PCDH9: variants seen among roughly 807,000 people sequenced by gnomAD.
The protein encoded by PCDH9 is protocadherin-9.
In PCDH9, 24 loss-of-function variants were observed where a neutral mutation model predicts 70.6. The ratio of observed to expected loss-of-function variants is 0.34; its 90% CI spans 0.25 to 0.48. PCDH9 has a LOEUF of 0.48. PCDH9 is among the 20% of genes least tolerant of loss of function. The pLI is 0.99. For missense variants in PCDH9, 1,281 were observed against 1,503.6 expected (o/e 0.85, Z 2.45); for synonymous variants, 562 against 558.5 (o/e 1.01, Z -0.09).
intron 4 of PCDH9, among the ~76,000 whole-genome samples, chr13:66,310,444 A>G (rs976082618): frequency 3.3e-5 from 5 of 152,036 alleles, no homozygotes; most frequent in Admixed American, 3.3e-4. Flanking sequence ...AGAATACTTG[A>G]GTGGTTCTTG....
chr13:66,454,169 A>C (rs1048173066), intron 4 of PCDH9, among the ~76,000 whole-genome samples: 7 of 152,082 alleles, frequency 4.6e-5, no homozygotes, highest in Non-Finnish European at 8.8e-5. Flanking sequence ...TTTTAAAAAA[A>C]GCATTTTCTT....
At chr13:66,788,323 G>A (rs1309359064) in intron 3 of PCDH9, among the ~76,000 whole-genome samples, 1 of 152,054 alleles carries the variant, frequency 6.6e-6, no homozygotes, top group Non-Finnish European at 1.5e-5. Context: ...CAACCCTGTT[G>A]CATTGCAGAT....
chr13:66,700,923 AATATAT>A (rs58852431), intron 3 of PCDH9, among the ~76,000 whole-genome samples: 1,782 of 58,318 alleles, frequency 0.031, 28 homozygotes, highest in African/African-American at 0.053. Flanking sequence ...TGTACATATA[AATATAT>A]ATATATATAT....
At chr13:67,023,771 A>C (rs2084726145) in intron 2 of PCDH9, among the ~76,000 whole-genome samples, 1 of 152,242 alleles carries the variant, frequency 6.6e-6, no homozygotes, top group Non-Finnish European at 1.5e-5. Context: ...GAAAAAAGAA[A>C]GAAAGAAAAA....
chr13:66,693,779 T>C (rs1431834450), intron 3 of PCDH9, among the ~76,000 whole-genome samples: 1 of 152,208 alleles, frequency 6.6e-6, no homozygotes. Flanking sequence ...AGTTAATTAG[T>C]CTTAATATCA....
chr13:66,976,577 T>C (rs2083624859), intron 2 of PCDH9, among the ~76,000 whole-genome samples: 1 of 152,130 alleles, frequency 6.6e-6, no homozygotes, highest in Admixed American at 6.6e-5. Flanking sequence ...AATATTTTAC[T>C]GGGAGTAGCA....
At chr13:66,608,178 A>G (rs767508413) in intron 4 of PCDH9, among the ~76,000 whole-genome samples, 26 of 151,804 alleles carry the variant, frequency 1.7e-4, no homozygotes, top group East Asian at 7.7e-4. Flanking sequence ...GTGTGTGTAT[A>G]TATAGGTATA....
chr13:66,864,529 A>G (rs2081538607), intron 3 of PCDH9, among the ~76,000 whole-genome samples: 1 of 152,218 alleles, frequency 6.6e-6, no homozygotes, highest in East Asian at 1.9e-4. Flanking sequence ...ATATCTCATT[A>G]CATCACTATC....
intron 3 of PCDH9, among the ~76,000 whole-genome samples, chr13:66,697,620 T>C (rs1440578094): frequency 2.0e-5 from 3 of 152,154 alleles, no homozygotes; most frequent in African/African-American, 7.2e-5. Flanking sequence ...TACTATATTA[T>C]GTAAGATGTT....
At chr13:67,198,807 T>C (rs1436205095) in intron 2 of PCDH9, among the ~76,000 whole-genome samples, 1 of 151,892 alleles carries the variant, frequency 6.6e-6, no homozygotes, top group East Asian at 1.9e-4. Context: ...AACTAAATGT[T>C]GGTAGTTGTG....
At chr13:66,729,130 T>C (rs900208779) in intron 3 of PCDH9, among the ~76,000 whole-genome samples, 2 of 152,252 alleles carry the variant, frequency 1.3e-5, no homozygotes, top group South Asian at 2.1e-4. Flanking sequence ...ATCTCATATC[T>C]AACATGCCTA....
chr13:67,018,428 G>A (rs1230391694), intron 2 of PCDH9, among the ~76,000 whole-genome samples: 2 of 152,020 alleles, frequency 1.3e-5, no homozygotes, highest in Non-Finnish European at 2.9e-5. Context: ...AGACCATCCT[G>A]GTCAACATAG....
chr13:66,521,962 G>C (rs1960009149), intron 4 of PCDH9, among the ~76,000 whole-genome samples: 1 of 150,482 alleles, frequency 6.6e-6, no homozygotes, highest in South Asian at 2.1e-4. Context: ...ACTTTAAAGA[G>C]TCATTGCTGC....
chr13:67,036,856 G>T (rs762025556), intron 2 of PCDH9, among the ~76,000 whole-genome samples: 1 of 152,134 alleles, frequency 6.6e-6, no homozygotes, highest in African/African-American at 2.4e-5. Flanking sequence ...TTCTCTAAGC[G>T]GAAGCCTTCG....
At chr13:67,061,389 G>C (rs1040559492) in intron 2 of PCDH9, among the ~76,000 whole-genome samples, 2 of 150,706 alleles carry the variant, frequency 1.3e-5, no homozygotes, top group African/African-American at 4.9e-5. Flanking sequence ...CTGTTTGTCT[G>C]TCTCTCTCCC....
At position 67,227,739 on chromosome 13, in the gene PCDH9, A is replaced by G; in HGVS notation, c.702T>C (p.Ser234=). 6.2e-7 allele frequency: 1 copy of G among 1,613,978 alleles called. No homozygotes were observed. Among genetic ancestry groups the G allele is most frequent in the East Asian group, 2.2e-5 (1 of 44,882 alleles). ...TTACTGTGACCTGCAGTATGGCCGTACTGGATTTCTGTGGAGTGCCTCCAT... is the reference window on the plus strand; with the variant it reads ...TTACTGTGACCTGCAGTATGGCCGTGCTGGATTTCTGTGGAGTGCCTCCAT... ...VEDGGTPQKS[S]TAILQVTVSD... is the part of the protein sequence containing the mutation. Residue 234 remains serine (S), a synonymous_variant, in exon 2 of 5, where the codon AGT becomes AGC. Coordinates refer to ENST00000377865, the MANE Select transcript of PCDH9 (RefSeq NM_203487.3). This position sits in a 1 kb window ranked among gnomAD's most constrained non-coding sequence, Gnocchi z 4.6.
chr13:66,668,876 C>T (rs2078133446), intron 3 of PCDH9, among the ~76,000 whole-genome samples: 2 of 152,098 alleles, frequency 1.3e-5, no homozygotes, highest in South Asian at 2.1e-4. Context: ...ACAAGTTTTA[C>T]TCTTTCATAG....
chr13:66,592,435 C>T (rs2077050209), intron 4 of PCDH9, among the ~76,000 whole-genome samples: 1 of 151,620 alleles, frequency 6.6e-6, no homozygotes, highest in Admixed American at 6.6e-5. Context: ...TGCAGTACTA[C>T]TGAAATTTGA....
intron 4 of PCDH9, among the ~76,000 whole-genome samples, chr13:66,327,168 T>G (rs991576082): frequency 1.3e-5 from 2 of 152,184 alleles, no homozygotes; most frequent in African/African-American, 2.4e-5. Flanking sequence ...TGTGTGTTAG[T>G]TTGCTTTGGA....
Sources: allele counts gnomAD v4.1 joint callset (sites outside exome capture counted in the v4.1 genomes callset), GRCh38; gene constraint gnomAD v4.1.1; non-coding constraint Gnocchi (gnomAD v3.1); transcripts MANE v1.5; gene names NCBI Gene and HGNC (gene_info 2026-07-23, HGNC 2026-07-21).